KSR2: variants seen among roughly 807,000 people sequenced by gnomAD.
KSR2 encodes the protein kinase suppressor of ras 2.
Under a neutral mutation model 107.8 loss-of-function variants are expected in KSR2, and 25 were observed. That is an observed-to-expected ratio of 0.23 (90% CI 0.17 to 0.32). The LOEUF (loss-of-function observed/expected upper bound fraction) is 0.32. Among genes scored for constraint, KSR2 ranks in the 10% least tolerant of loss-of-function variants. The probability of loss-of-function intolerance (pLI) is 1.00; values close to 1 mark genes in which losing one functional copy is unlikely to be tolerated. For missense variants in KSR2, 887 were observed against 1,268.9 expected, an observed-to-expected ratio of 0.70 and a Z score of 4.57; for synonymous variants, 480 against 507.0, an observed-to-expected ratio of 0.95 and a Z score of 0.71.
At chr12:117,870,667 G>A (rs1893620933) in intron 1 of KSR2, among the ~76,000 whole-genome samples, 1 of 152,166 alleles carries the variant, frequency 6.6e-6, no homozygotes, top group South Asian at 2.1e-4. Flanking sequence ...TGTCCTACTT[G>A]TTGAAGGGGG....
At chr12:117,560,932 A>G (rs1207886758) in intron 7 of KSR2, among the ~76,000 whole-genome samples, 1 of 152,184 alleles carries the variant, frequency 6.6e-6, no homozygotes, top group Non-Finnish European at 1.5e-5. Flanking sequence ...GGCTGGTGCC[A>G]TACTTGTACA....
intron 4 of KSR2, among the ~76,000 whole-genome samples, chr12:117,753,945 AGCGTGT>A (rs1471580755): frequency 2.4e-5 from 3 of 125,504 alleles, no homozygotes; most frequent in South Asian, 3.0e-4. Context: ...GAAAGTATAG[AGCGTGT>A]GTGTGTGTGT....
intron 5 of KSR2, among the ~76,000 whole-genome samples, chr12:117,586,255 G>A (rs1236118372): frequency 6.6e-6 from 1 of 151,642 alleles, no homozygotes; most frequent in Non-Finnish European, 1.5e-5. Context: ...GACGATAAAG[G>A]AAAGGAAGAG....
intron 5 of KSR2, among the ~76,000 whole-genome samples, chr12:117,663,956 G>A (rs1318510967): frequency 5.9e-5 from 9 of 152,202 alleles, no homozygotes; most frequent in African/African-American, 2.2e-4. Context: ...TACAGCAAGG[G>A]TGGAGAGATA....
intron 3 of KSR2, among the ~76,000 whole-genome samples, chr12:117,849,974 C>T (rs867321160): frequency 6.6e-6 from 1 of 152,238 alleles, no homozygotes; most frequent in African/African-American, 2.4e-5. Context: ...CAATATCACC[C>T]TCAAGAAGTA....
In KSR2 at chr12:117,476,693, C is replaced by T. The variant is rs1046157075; in HGVS notation, c.2451-98G>A. 5 of 1,308,188 alleles carry T rather than the reference C, an allele frequency of 3.8e-6. No homozygotes were observed. The African/African-American group carries it at 7.5e-5, about 20-fold the overall frequency. 81.0% of individuals were successfully genotyped at this position (1,308,188 alleles called of 1,614,324 possible). On this transcript the variant is annotated intron_variant, in intron 16 of 19. Transcript: ENST00000339824. ...ACGTCCCTGGAGCCATCTCTGCTGC[C>T]CTTCTCGCTTCCCACATTGAGCACT...
chr12:117,761,308 T>C lies in KSR2; in HGVS notation c.689A>G (p.Asp230Gly). 2 of 1,527,436 alleles carry C rather than the reference T, an allele frequency of 1.3e-6. No individual in the cohort carries two copies. The highest frequency in any genetic ancestry group is 4.5e-5 in the East Asian group (2 of 44,016). 94.6% of individuals were successfully genotyped at this position (1,527,436 alleles called of 1,614,324 possible). A position where few individuals can be genotyped will look rare whatever the true frequency, so the allele number is the denominator to read the frequency against. Residue 230 changes from aspartate to glycine, a missense_variant, in exon 4 of 20, where the codon GAC becomes GGC. By Grantham distance (94) the Asp-to-Gly change is moderately conservative (BLOSUM62 -1). Transcript: ENST00000339824. ...VYTHVDRLTV[D>G]AYPGLCPPPP... ...GGGCGGGCACAAGCCCGGGTAGGCG[T>C]CCACGGTAAGCCTGTCCACGTGGGT...
intron 3 of KSR2, among the ~76,000 whole-genome samples, chr12:117,849,056 A>G (rs1015267598): frequency 1.3e-5 from 2 of 152,046 alleles, no homozygotes. Context: ...CAGAACTTAA[A>G]CCCAAGTTTG....
chr12:117,765,558 G>T (rs898482818), intron 3 of KSR2, among the ~76,000 whole-genome samples: 4 of 152,072 alleles, frequency 2.6e-5, no homozygotes, highest in Non-Finnish European at 5.9e-5. Context: ...TTACGTACCA[G>T]GCACTGTTGT....
At chr12:117,483,127 T>C (rs1872266594) in intron 16 of KSR2, among the ~76,000 whole-genome samples, 1 of 152,218 alleles carries the variant, frequency 6.6e-6, no homozygotes, top group Non-Finnish European at 1.5e-5. Context: ...AATATATTTA[T>C]ATATTTACTG....
intron 7 of KSR2, among the ~76,000 whole-genome samples, chr12:117,563,269 C>T (rs1411361840): frequency 1.3e-5 from 2 of 152,100 alleles, no homozygotes; most frequent in Non-Finnish European, 2.9e-5. Context: ...ACGTGAAACT[C>T]GAGAACTACC....
chr12:117,547,185 T>C (rs1343913166), intron 9 of KSR2, among the ~76,000 whole-genome samples: 3 of 152,238 alleles, frequency 2.0e-5, no homozygotes, highest in Non-Finnish European at 4.4e-5. Context: ...GCCTTGCTAT[T>C]GCCAGGGATG....
chr12:117,536,700 T>C (rs1313938438), intron 10 of KSR2, among the ~76,000 whole-genome samples: 1 of 152,262 alleles, frequency 6.6e-6, no homozygotes, highest in Non-Finnish European at 1.5e-5. Context: ...GAAATCTATA[T>C]AGAGTACTAC....
At chr12:117,885,959 G>A (rs1270986490) in intron 1 of KSR2, among the ~76,000 whole-genome samples, 2 of 151,948 alleles carry the variant, frequency 1.3e-5, no homozygotes, top group Admixed American at 6.6e-5. Flanking sequence ...TAGCCAACGG[G>A]GTGGCGGACG....
At chr12:117,718,225 A>T (rs1280861721) in intron 4 of KSR2, among the ~76,000 whole-genome samples, 1 of 152,242 alleles carries the variant, frequency 6.6e-6, no homozygotes, top group Non-Finnish European at 1.5e-5. Flanking sequence ...TAAATCTTTT[A>T]TAACTAGATT....
intron 4 of KSR2, among the ~76,000 whole-genome samples, chr12:117,727,717 G>A (rs902806137): frequency 2.6e-5 from 4 of 152,110 alleles, no homozygotes; most frequent in East Asian, 1.9e-4. Context: ...ACCTTGACTC[G>A]GGACTTCTGG....
At chr12:117,745,551 A>G (rs971325174) in intron 4 of KSR2, among the ~76,000 whole-genome samples, 4 of 152,202 alleles carry the variant, frequency 2.6e-5, no homozygotes, top group Non-Finnish European at 5.9e-5. Context: ...CACCACTCCT[A>G]TTCAACATAG....
At chr12:117,709,880 C>A (rs951825402) in intron 4 of KSR2, among the ~76,000 whole-genome samples, 7 of 152,168 alleles carry the variant, frequency 4.6e-5, no homozygotes, top group African/African-American at 1.7e-4. Context: ...TGCCCGCTGT[C>A]CCCTGGGAGG....
At chr12:117,708,938 C>T (rs1300588060) in intron 4 of KSR2, among the ~76,000 whole-genome samples, 1 of 152,182 alleles carries the variant, frequency 6.6e-6, no homozygotes, top group Non-Finnish European at 1.5e-5. Flanking sequence ...AGGCCGCTCG[C>T]ATTCCCTGAA....
Sources: gnomAD v4.1 joint callset for allele counts (sites outside exome capture counted in the v4.1 genomes callset) on GRCh38, gnomAD v4.1.1 for gene constraint, MANE v1.5 for transcripts, NCBI Gene and HGNC (gene_info 2026-07-23, HGNC 2026-07-21) for gene names.